The following APOOL variants were observed in gnomAD, a reference collection of about 807,000 sequenced individuals.
APOOL encodes MICOS complex subunit MIC27.
In APOOL, 12 loss-of-function variants were observed where a neutral mutation model predicts 23.1. The observed-to-expected ratio is 0.52, with a 90% CI of 0.33 to 0.84. The LOEUF (loss-of-function observed/expected upper bound fraction) is 0.84. APOOL is among the 40% of genes least tolerant of loss of function. The pLI is 0.02. For synonymous variants in APOOL, 77 were observed against 69.9 expected, an observed-to-expected ratio of 1.10 and a Z score of -0.51; for missense variants, 212 against 199.6, an observed-to-expected ratio of 1.06 and a Z score of -0.37.
intron 1 of APOOL, among the ~76,000 whole-genome samples, chrX:85,026,264 G>A (rs1252975113): frequency 1.8e-5 from 2 of 113,224 alleles, no homozygotes; most frequent in African/African-American, 6.4e-5. Flanking sequence ...ATGGGAAACA[G>A]TGTTCTGAGG....
rs538596964 is a variant in APOOL at position 85,057,337 on chromosome X, G to A, written c.394+1412G>A. Among the ~76,000 whole-genome samples the A allele has an allele frequency of 2.4e-4, 26 of 109,341 alleles. No individual in the cohort carries two copies. The South Asian group carries it at 7.4e-3, about 31-fold the overall frequency. 94.9% of individuals were successfully genotyped at this position (109,341 alleles called of 115,157 possible). ...TATTGGAAGGCACAGCTCTGAGCCGGTCTGGAATCTGATGTCAGGTACTTT... is the reference window on the plus strand; with the variant it reads ...TATTGGAAGGCACAGCTCTGAGCCGATCTGGAATCTGATGTCAGGTACTTT... On this transcript the variant is annotated intron_variant, in intron 5 of 8. Transcript: ENST00000373173.
chrX:85,085,531 C>T (rs1053012849), intron 8 of APOOL, among the ~76,000 whole-genome samples: 2 of 111,869 alleles, frequency 1.8e-5, no homozygotes, highest in African/African-American at 6.5e-5. Context: ...CTGTAAAATA[C>T]GTTTCAGAAA....
At chrX:85,018,578 C>CTT (rs376254539) in intron 1 of APOOL, among the ~76,000 whole-genome samples, 2 of 104,910 alleles carry the variant, frequency 1.9e-5, no homozygotes, top group African/African-American at 6.9e-5. Flanking sequence ...ATTTTTCATT[C>CTT]TTTTTTTTTT....
At position 85,052,911 on chromosome X, in the gene APOOL, CA is replaced by C. The variant is rs757061115; in HGVS notation, c.240+1404del. On this transcript the variant is annotated intron_variant, in intron 3 of 8. Coordinates refer to ENST00000373173, the MANE Select transcript of APOOL (RefSeq NM_198450.6). Reference sequence around the variant, plus strand: ...GTCTTTAAATTGCTATTGTAACTGTCATCCAATTTAAGATTCAAAAGAATGT... The same window carrying C: ...GTCTTTAAATTGCTATTGTAACTGTCTCCAATTTAAGATTCAAAAGAATGT... 4.1e-4 allele frequency among the ~76,000 whole-genome samples: 46 copies of C among 111,801 alleles called. 1 individual carries two copies. In the East Asian group the frequency reaches 0.011, roughly 27 times the overall value.
chrX:85,082,899 C>G (rs747603924), intron 8 of APOOL, among the ~76,000 whole-genome samples: 2 of 111,901 alleles, frequency 1.8e-5, no homozygotes, highest in East Asian at 5.6e-4. Flanking sequence ...TAGCCAAACT[C>G]AAAACCTCTT....
rs774553697 is a variant in APOOL, at chrX:85,079,031, T to C, written c.718+4640T>C. Among the ~76,000 whole-genome samples the C allele has an allele frequency of 5.8e-3, 653 of 111,802 alleles. 4 individuals are homozygous for C. The highest frequency in any genetic ancestry group is 0.02 in the African/African-American group (618 of 30,765). On this transcript the variant is annotated intron_variant, in intron 8 of 8. Coordinates refer to ENST00000373173, the MANE Select transcript of APOOL (RefSeq NM_198450.6). ...TTTCTAAATATACAATCATGTCATCTGCAAACAGGGACAATTTGACTTCCT... is the reference window on the plus strand; with the variant it reads ...TTTCTAAATATACAATCATGTCATCCGCAAACAGGGACAATTTGACTTCCT...
intron 5 of APOOL, among the ~76,000 whole-genome samples, chrX:85,057,168 G>GA (rs1460851240): frequency 9.0e-6 from 1 of 111,220 alleles, no homozygotes; most frequent in African/African-American, 3.3e-5. Context: ...GAGCTACTAT[G>GA]AAAATTTATA....
At chrX:85,027,717 C>T (rs1279292993) in intron 1 of APOOL, among the ~76,000 whole-genome samples, 2 of 111,847 alleles carry the variant, frequency 1.8e-5, no homozygotes, top group African/African-American at 3.2e-5. Context: ...GGGTTTAAGT[C>T]GCCATGAATG....
intron 1 of APOOL, among the ~76,000 whole-genome samples, chrX:85,026,939 C>CT (rs1921865937): frequency 8.9e-6 from 1 of 112,001 alleles, no homozygotes; most frequent in African/African-American, 3.2e-5. Context: ...TGCAGAGTCA[C>CT]TTTCAAATTT....
intron 6 of APOOL, among the ~76,000 whole-genome samples, chrX:85,070,039 A>G (rs1208264197): frequency 1.8e-5 from 2 of 112,111 alleles, no homozygotes; most frequent in Non-Finnish European, 3.8e-5. Flanking sequence ...TGGGGAAAAA[A>G]GGAACTTAAT....
rs1453592143 is a variant in APOOL, at chrX:85,092,212, T to TG, written c.*4536dup. 2 of 423,723 alleles carry TG rather than the reference T, an allele frequency of 4.7e-6. No individual in the cohort carries two copies. The highest frequency in any genetic ancestry group is 7.6e-6 in the Non-Finnish European group (2 of 261,990). The allele number at this position is 423,723 out of a possible 1,213,427, so 34.9% of individuals were successfully genotyped here. ...CTACTGCTACTAGCCGTTAGAATAT[T>TG]GGTTTGGATAATGGAAAGTTGACTA... is the stretch of plus-strand genomic sequence containing the variant. On this transcript the variant is annotated 3_prime_UTR_variant, in exon 9 of 9. Transcript: ENST00000373173.
intron 2 of APOOL, among the ~76,000 whole-genome samples, chrX:85,050,927 T>C (rs1255406861): frequency 3.6e-5 from 4 of 111,407 alleles, no homozygotes; most frequent in Non-Finnish European, 7.5e-5. Flanking sequence ...AAGCAATGTT[T>C]TTTTTAAGTA....
chrX:85,071,467 G>A (rs1220498732), intron 6 of APOOL, among the ~76,000 whole-genome samples: 1 of 110,367 alleles, frequency 9.1e-6, no homozygotes, highest in Non-Finnish European at 1.9e-5. Context: ...AAATATGTTG[G>A]GATAATTGGC....
chrX:85,033,712 C>T (rs1424567688), intron 1 of APOOL, among the ~76,000 whole-genome samples: 1 of 111,148 alleles, frequency 9.0e-6, no homozygotes, highest in African/African-American at 3.3e-5. Context: ...AAATACAGAA[C>T]AAACACATTG....
chrX:85,092,419 T>A lies in APOOL; in HGVS notation c.*4741T>A. 8.5e-7 allele frequency: 1 copy of A among 1,182,232 alleles called. No homozygotes were observed. Among genetic ancestry groups the A allele is most frequent in the Non-Finnish European group, 1.1e-6 (1 of 880,712 alleles). Reference sequence around the variant, plus strand: ...TTCTTCCCATGCCATGTCCAGGAGTTCTTCTCTGTTAAACCTGAAGAGATG... The same window carrying A: ...TTCTTCCCATGCCATGTCCAGGAGTACTTCTCTGTTAAACCTGAAGAGATG... On this transcript the variant is annotated 3_prime_UTR_variant, in exon 9 of 9. Transcript: ENST00000373173.
chrX:85,070,735 C>T (rs929819386), intron 6 of APOOL, among the ~76,000 whole-genome samples: 1 of 109,637 alleles, frequency 9.1e-6, no homozygotes, highest in Non-Finnish European at 1.9e-5. Flanking sequence ...AAAGTTTGTA[C>T]CCTTTGACCA....
At chrX:85,041,641 G>A (rs1922402868) in intron 1 of APOOL, among the ~76,000 whole-genome samples, 1 of 111,249 alleles carries the variant, frequency 9.0e-6, no homozygotes, top group East Asian at 2.8e-4. Context: ...AAGGCCCTTG[G>A]GCATCCTTAT....
chrX:85,083,768 A>G (rs1924192572), intron 8 of APOOL, among the ~76,000 whole-genome samples: 1 of 111,914 alleles, frequency 8.9e-6, no homozygotes, highest in Non-Finnish European at 1.9e-5. Context: ...TGCTTAAAAT[A>G]TCAATGAGAT....
intron 1 of APOOL, among the ~76,000 whole-genome samples, chrX:85,012,066 GT>G (rs939103577): frequency 9.0e-6 from 1 of 110,665 alleles, no homozygotes; most frequent in African/African-American, 3.3e-5. Context: ...ACCTCCTGAA[GT>G]TTTTTTGTTT....
Sources: gnomAD v4.1 joint callset for allele counts (sites outside exome capture counted in the v4.1 genomes callset) on GRCh38, gnomAD v4.1.1 for gene constraint, MANE v1.5 for transcripts, NCBI Gene and HGNC (gene_info 2026-07-23, HGNC 2026-07-21) for gene names.